Variants in NPAS3 observed in about 807,000 individuals in gnomAD.
The protein encoded by NPAS3 is neuronal PAS domain protein 3, also known as neuronal PAS domain-containing protein 3.
A neutral mutation model predicts 73.1 loss-of-function variants in NPAS3; 14 were observed. The ratio of observed to expected loss-of-function variants is 0.19; its 90% CI spans 0.13 to 0.30. NPAS3 has a LOEUF of 0.30. NPAS3 is among the 10% of genes least tolerant of loss of function. NPAS3 has a pLI of 1.00. For missense variants in NPAS3, 1,096 were observed against 1,250.0 expected, an observed-to-expected ratio of 0.88 and a Z score of 1.86; for synonymous variants, 620 against 541.5, an observed-to-expected ratio of 1.14 and a Z score of -2.01.
At chr14:33,503,595 C>T (rs1162434235) in intron 4 of NPAS3, among the ~76,000 whole-genome samples, 7 of 151,724 alleles carry the variant, frequency 4.6e-5, no homozygotes, top group Non-Finnish European at 8.8e-5. Context: ...AAAAATGGCA[C>T]GGCAATGGGG....
chr14:33,679,602 G>C (rs2059876240), intron 6 of NPAS3, among the ~76,000 whole-genome samples: 1 of 152,174 alleles, frequency 6.6e-6, no homozygotes, highest in Admixed American at 6.5e-5. Context: ...TTGATATATG[G>C]TTATTATGAA....
chr14:33,801,350 G>GGTGTGT (rs929852284), downstream of NPAS3: 7 of 674,440 alleles, frequency 1.0e-5, no homozygotes, highest in African/African-American at 1.3e-4. Context: ...CTTCTTCTAA[G>GGTGTGT]GTGTGTGTTG....
chr14:33,523,601 A>G (rs1176356961), intron 4 of NPAS3, among the ~76,000 whole-genome samples: 1 of 151,928 alleles, frequency 6.6e-6, no homozygotes, highest in Non-Finnish European at 1.5e-5. Context: ...CGTCTCCACT[A>G]AAAATACAAA....
intron 1 of NPAS3, among the ~76,000 whole-genome samples, chr14:32,943,858 T>C (rs2036139697): frequency 6.6e-6 from 1 of 152,096 alleles, no homozygotes; most frequent in Non-Finnish European, 1.5e-5. Flanking sequence ...CCAGCTAATT[T>C]TTGTATTTTT....
At chr14:33,092,526 G>T (rs1401858092) in intron 2 of NPAS3, among the ~76,000 whole-genome samples, 1 of 152,134 alleles carries the variant, frequency 6.6e-6, no homozygotes, top group African/African-American at 2.4e-5. Context: ...TCAATATTGT[G>T]AAAATGGCCA....
intron 2 of NPAS3, 128 bp downstream of exon 2, chr14:33,056,122 A>C (rs12884210): frequency 1.9e-6 from 1 of 531,060 alleles, no homozygotes. Flanking sequence ...AAAAAAAAAC[A>C]AAAAAACAAA....
At chr14:33,214,327 C>T (rs2047142205) in intron 2 of NPAS3, 1 of 152,176 alleles carries the variant, frequency 6.6e-6, no homozygotes, top group Non-Finnish European at 1.5e-5. Flanking sequence ...AACAGAAATG[C>T]ACATGAATAG....
chr14:33,462,922 A>C (rs553607812), intron 4 of NPAS3, among the ~76,000 whole-genome samples: 5 of 152,326 alleles, frequency 3.3e-5, no homozygotes, highest in South Asian at 2.1e-4. Flanking sequence ...CATGTAATAC[A>C]TTTTAGAAAA....
intron 7 of NPAS3, among the ~76,000 whole-genome samples, chr14:33,741,535 C>T (rs769160326): frequency 1.1e-4 from 16 of 152,104 alleles, no homozygotes; most frequent in Non-Finnish European, 1.9e-4. Flanking sequence ...CTCTGCTGAC[C>T]TCTGCACAAT....
chr14:33,596,063 A>G (rs1319627104), intron 5 of NPAS3, among the ~76,000 whole-genome samples: 1 of 152,196 alleles, frequency 6.6e-6, no homozygotes, highest in Non-Finnish European at 1.5e-5. Context: ...TTTCCTTCCC[A>G]AAGAGCTTAC....
chr14:33,749,745 C>G (rs1291107817), intron 7 of NPAS3, among the ~76,000 whole-genome samples: 1 of 151,992 alleles, frequency 6.6e-6, no homozygotes, highest in Non-Finnish European at 1.5e-5. Flanking sequence ...CTCCGAGAAC[C>G]CTGAAGTAGA....
At chr14:33,369,343 T>C (rs1432769887) in intron 4 of NPAS3, among the ~76,000 whole-genome samples, 4 of 139,422 alleles carry the variant, frequency 2.9e-5, no homozygotes, top group African/African-American at 1.1e-4. Context: ...AAGTTTAGTT[T>C]GGAAAACATG....
At chr14:33,459,112 G>A (rs2050145158) in intron 4 of NPAS3, among the ~76,000 whole-genome samples, 1 of 152,164 alleles carries the variant, frequency 6.6e-6, no homozygotes, top group Admixed American at 6.5e-5. Flanking sequence ...TTTGTAACCT[G>A]TCATGACACT....
intron 4 of NPAS3, among the ~76,000 whole-genome samples, chr14:33,410,449 T>G (rs1245635541): frequency 2.0e-5 from 3 of 152,202 alleles, no homozygotes; most frequent in Non-Finnish European, 4.4e-5. Flanking sequence ...TGCTAGTTGA[T>G]TCAATTCATC....
intron 3 of NPAS3, among the ~76,000 whole-genome samples, chr14:33,279,289 A>C (rs1050370863): frequency 6.6e-6 from 1 of 152,148 alleles, no homozygotes; most frequent in African/African-American, 2.4e-5. Context: ...AATAATGACT[A>C]TTTCATTTAA....
At chr14:33,165,858 G>T (rs899941262) in intron 2 of NPAS3, among the ~76,000 whole-genome samples, 1 of 152,158 alleles carries the variant, frequency 6.6e-6, no homozygotes, top group African/African-American at 2.4e-5. Context: ...ATATTCGGGG[G>T]CATGTTGGTT....
intron 5 of NPAS3, among the ~76,000 whole-genome samples, chr14:33,653,285 C>T (rs780672764): frequency 2.0e-5 from 3 of 152,202 alleles, no homozygotes; most frequent in Non-Finnish European, 4.4e-5. Context: ...CAGCATGGTG[C>T]GTCTTTATCC....
chr14:33,525,957 TAAAAC>T (rs879779824), intron 4 of NPAS3, among the ~76,000 whole-genome samples: 2 of 151,406 alleles, frequency 1.3e-5, no homozygotes, highest in Admixed American at 1.3e-4. Flanking sequence ...AAGAGACAGA[TAAAAC>T]AGAAAGAAAG....
At chr14:33,307,713 A>T (rs773552148) in intron 3 of NPAS3, among the ~76,000 whole-genome samples, 1 of 151,400 alleles carries the variant, frequency 6.6e-6, no homozygotes, top group Non-Finnish European at 1.5e-5. Context: ...GTGGTCGGAG[A>T]TGATAGAAGC....
Sources: gnomAD v4.1 joint callset for allele counts (sites outside exome capture counted in the v4.1 genomes callset) on GRCh38, gnomAD v4.1.1 for gene constraint, MANE v1.5 for transcripts, NCBI Gene and HGNC (gene_info 2026-07-23, HGNC 2026-07-21) for gene names.